ARHGAP28: variants seen among roughly 807,000 people sequenced by gnomAD.
ARHGAP28 encodes the protein rho GTPase-activating protein 28.
A neutral mutation model predicts 90.7 loss-of-function variants in ARHGAP28; 56 were observed. That is an observed-to-expected ratio of 0.62 (90% CI 0.50 to 0.77). ARHGAP28 has a LOEUF of 0.77. Among genes scored for constraint, ARHGAP28 ranks in the 30% least tolerant of loss-of-function variants. ARHGAP28 has a pLI of 0.00. For synonymous variants in ARHGAP28, 308 were observed against 323.3 expected (o/e 0.95, Z 0.51); for missense variants, 869 against 900.9 (o/e 0.96, Z 0.45).
At chr18:6,841,208 C>CTCTCTCTCTCTCTCTCTCTCTCTCTCT (rs1555631529) in intron 3 of ARHGAP28, among the ~76,000 whole-genome samples, 4 of 43,128 alleles carry the variant, frequency 9.3e-5, no homozygotes, top group Admixed American at 5.7e-4. Context: ...TCTCTCCTCT[C>CTCTCTCTCTCTCTCTCTCTCTCTCTCT]CTCTCTCTCT....
intron 1 of ARHGAP28, among the ~76,000 whole-genome samples, chr18:6,798,955 A>G (rs1159764325): frequency 6.6e-6 from 1 of 152,210 alleles, no homozygotes; most frequent in Non-Finnish European, 1.5e-5. Context: ...AATTAATCTA[A>G]TGTCATTTCT....
intron 2 of ARHGAP28, among the ~76,000 whole-genome samples, chr18:6,825,200 T>C (rs2056653636): frequency 6.6e-6 from 1 of 152,148 alleles, no homozygotes; most frequent in Admixed American, 6.5e-5. Flanking sequence ...AAATACAAAT[T>C]GATGCCTTAT....
chr18:6,896,725 T>C lies in ARHGAP28; in HGVS notation c.2030+99T>C, dbSNP rs561364874. The C allele has an allele frequency of 2.9e-6, 4 of 1,396,044 alleles. No homozygotes were observed. The South Asian group carries it at 4.1e-5, about 14-fold the overall frequency. The allele number at this position is 1,396,044 out of a possible 1,614,324, so 86.5% of individuals were successfully genotyped here. On this transcript the variant is annotated intron_variant, in intron 16 of 17. Transcript: ENST00000383472. ...TACAAATTTGACCTTTTGTAAAATATAGAACCTGTTGCTTTAGGGAGTTTA... is the reference window on the plus strand; with the variant it reads ...TACAAATTTGACCTTTTGTAAAATACAGAACCTGTTGCTTTAGGGAGTTTA...
At chr18:6,796,013 CTG>C in intron 1 of ARHGAP28, among the ~76,000 whole-genome samples, 1 of 152,260 alleles carries the variant, frequency 6.6e-6, no homozygotes, top group Non-Finnish European at 1.5e-5. Flanking sequence ...CAGGCTTCTC[CTG>C]CCTTTGAGCA....
chr18:6,906,152 G>A (rs1229799635), intron 16 of ARHGAP28, among the ~76,000 whole-genome samples: 2 of 151,956 alleles, frequency 1.3e-5, no homozygotes, highest in Non-Finnish European at 2.9e-5. Context: ...TTATATAAAA[G>A]GTAGAATAAT....
rs1219214918 is a variant in ARHGAP28 at position 6,915,650 on chromosome 18, TTCA to T, written c.*3498_*3500del. On this transcript the variant is annotated 3_prime_UTR_variant, in exon 18 of 18. Transcript: ENST00000383472. ...TATTGATTCTTCTGTTCCATCAGCT[TTCA>T]TTGTTAAGTAGAATATGTATGTTGC... 6.6e-6 allele frequency: 1 copy of T among 152,180 alleles called. No individual in the cohort carries two copies. The highest frequency in any genetic ancestry group is 1.5e-5 in the Non-Finnish European group (1 of 68,036). The allele number at this position is 152,180 out of a possible 1,614,324, so 9.4% of individuals were successfully genotyped here.
At chr18:6,771,750 G>A (rs2056244862) in intron 1 of ARHGAP28, among the ~76,000 whole-genome samples, 1 of 152,174 alleles carries the variant, frequency 6.6e-6, no homozygotes, top group East Asian at 1.9e-4. Context: ...TGCCTAGTAC[G>A]TTTTTATGTT....
At chr18:6,854,263 T>C (rs1306327368) in intron 4 of ARHGAP28, among the ~76,000 whole-genome samples, 2 of 152,156 alleles carry the variant, frequency 1.3e-5, no homozygotes, top group Admixed American at 6.5e-5. Context: ...TTATTTTAGT[T>C]GCCTGGACCT....
intron 1 of ARHGAP28, among the ~76,000 whole-genome samples, chr18:6,762,638 G>A (rs186137260): frequency 5.1e-4 from 78 of 152,024 alleles, no homozygotes; most frequent in African/African-American, 1.7e-3. Flanking sequence ...GGCCTTTAAA[G>A]AGTTAATTAA....
chr18:6,731,674 A>G (rs1329336908), intron 1 of ARHGAP28, among the ~76,000 whole-genome samples: 1 of 152,188 alleles, frequency 6.6e-6, no homozygotes, highest in Non-Finnish European at 1.5e-5. Context: ...GGCCCCCTGC[A>G]ACCCAATCAC....
intron 1 of ARHGAP28, among the ~76,000 whole-genome samples, chr18:6,795,502 A>G (rs1488381153): frequency 2.0e-5 from 3 of 152,176 alleles, no homozygotes; most frequent in African/African-American, 7.2e-5. Flanking sequence ...CTTTTTCTGT[A>G]AAAGACCAAA....
In ARHGAP28 at chr18:6,741,943, G is replaced by T. The variant is rs952208152; in HGVS notation, c.122+12000G>T. Among the ~76,000 whole-genome samples the T allele has an allele frequency of 2.0e-5, 3 of 152,132 alleles. No individual in the cohort carries two copies. In the South Asian group the frequency reaches 6.2e-4, roughly 32 times the overall value. On this transcript the variant is annotated intron_variant, in intron 1 of 17. Coordinates refer to ENST00000383472, the MANE Select transcript of ARHGAP28 (RefSeq NM_001366230.1). ...TTATTCCTCTAGAGTATAAAAGATG[G>T]TTTTAAAGTAGACCACAAAGAGCTG...
At chr18:6,823,184 C>T (rs2056637492) in intron 1 of ARHGAP28, among the ~76,000 whole-genome samples, 1 of 152,122 alleles carries the variant, frequency 6.6e-6, no homozygotes, top group Middle Eastern at 3.2e-3. Context: ...GAGTTGCAAA[C>T]CCATACCAAC....
At chr18:6,840,625 G>A (rs1408271147) in intron 3 of ARHGAP28, among the ~76,000 whole-genome samples, 1 of 152,164 alleles carries the variant, frequency 6.6e-6, no homozygotes, top group African/African-American at 2.4e-5. Flanking sequence ...TTGTGGTGAG[G>A]AGTGAGGAAT....
intron 1 of ARHGAP28, among the ~76,000 whole-genome samples, chr18:6,820,002 G>T (rs2056616006): frequency 6.6e-6 from 1 of 152,034 alleles, no homozygotes; most frequent in South Asian, 2.1e-4. Flanking sequence ...AACAACATCT[G>T]CCATCTAATA....
intron 1 of ARHGAP28, among the ~76,000 whole-genome samples, chr18:6,734,800 A>G (rs1184655669): frequency 6.6e-6 from 1 of 152,174 alleles, no homozygotes; most frequent in African/African-American, 2.4e-5. Flanking sequence ...CTTTCTTGAG[A>G]GGATTCAAAA....
chr18:6,807,774 TTC>T (rs1289219566), intron 1 of ARHGAP28, among the ~76,000 whole-genome samples: 1 of 152,170 alleles, frequency 6.6e-6, no homozygotes, highest in Non-Finnish European at 1.5e-5. Context: ...AGCTCCAGAG[TTC>T]TCTGTCTTTG....
chr18:6,880,580 G>A (rs751890267), intron 10 of ARHGAP28, among the ~76,000 whole-genome samples: 8 of 152,170 alleles, frequency 5.3e-5, no homozygotes, highest in Non-Finnish European at 8.8e-5. Flanking sequence ...ACTGGCGCTC[G>A]CTGCTCTCCA....
intron 1 of ARHGAP28, among the ~76,000 whole-genome samples, chr18:6,774,502 T>A (rs552102683): frequency 6.6e-6 from 1 of 152,310 alleles, no homozygotes; most frequent in East Asian, 1.9e-4. Context: ...GTCCTATTAG[T>A]AATTTGAGAG....
Sources: gnomAD v4.1 joint callset for allele counts (sites outside exome capture counted in the v4.1 genomes callset) on GRCh38, gnomAD v4.1.1 for gene constraint, MANE v1.5 for transcripts, NCBI Gene and HGNC (gene_info 2026-07-23, HGNC 2026-07-21) for gene names.